PTPRD: variants seen among roughly 807,000 people sequenced by gnomAD.
PTPRD encodes the protein protein tyrosine phosphatase receptor type D.
A neutral mutation model predicts 214.5 loss-of-function variants in PTPRD; 34 were observed. The ratio of observed to expected loss-of-function variants is 0.16; its 90% CI spans 0.12 to 0.21. The LOEUF (loss-of-function observed/expected upper bound fraction) is 0.21, where lower values mean the gene tolerates loss of function less well. Among genes scored for constraint, PTPRD ranks in the 10% least tolerant of loss-of-function variants. The pLI, the probability that PTPRD is intolerant of heterozygous loss-of-function variation, is 1.00. For synonymous variants in PTPRD, 1,128 were observed against 845.7 expected, an observed-to-expected ratio of 1.33 and a Z score of -5.79; for missense variants, 2,545 against 2,398.7, an observed-to-expected ratio of 1.06 and a Z score of -1.27.
chr9:8,501,968 T>C (rs2097419607), intron 23 of PTPRD, among the ~76,000 whole-genome samples: 1 of 152,168 alleles, frequency 6.6e-6, no homozygotes, highest in South Asian at 2.1e-4. Context: ...GAACTGTTTT[T>C]TTAAAAACCC....
In PTPRD at chr9:9,492,812, T is replaced by C. The variant is rs184139232; in HGVS notation, c.-237+81920A>G. ...TCCAAAAGCACGTGCTCACTTTTTG[T>C]TTCTGCATCATATTTCGGTAATTTT... is the stretch of plus-strand genomic sequence containing the variant. On this transcript the variant is annotated intron_variant, in intron 8 of 45. Transcript: ENST00000381196. Among the ~76,000 whole-genome samples the C allele has an allele frequency of 7.9e-5, 12 of 151,662 alleles. No individual in the cohort carries two copies. In the East Asian group the frequency reaches 2.3e-3, roughly 29 times the overall value.
rs529459852 is a variant in PTPRD at position 8,353,429 on chromosome 9, A to AATGT, written c.4662-11452_4662-11451insACAT. On this transcript the variant is annotated intron_variant, in intron 39 of 45. Coordinates refer to ENST00000381196, the MANE Select transcript of PTPRD (RefSeq NM_002839.4). The stretch of plus-strand genomic sequence containing the variant: ...TTATTTATTTATTTATGAATGTATG[A>AATGT]ATGAATGAATGAATGAATGAGATGG... Among the ~76,000 whole-genome samples, 125 of 46,574 alleles carry AATGT rather than the reference A, an allele frequency of 2.7e-3. 1 individual carries two copies. The highest frequency in any genetic ancestry group is 4.4e-3 in the African/African-American group (115 of 26,436). The allele number at this position is 46,574 out of a possible 152,430, so 30.6% of individuals were successfully genotyped here.
At chr9:8,333,639 GCA>G (rs1440121984) in intron 43 of PTPRD, among the ~76,000 whole-genome samples, 2 of 150,260 alleles carry the variant, frequency 1.3e-5, no homozygotes, top group African/African-American at 2.5e-5. Context: ...TGAAGAAGCT[GCA>G]TAATTAATGG....
At chr9:10,612,093 C>A (rs1022755447) in intron 2 of PTPRD, among the ~76,000 whole-genome samples, 2 of 151,190 alleles carry the variant, frequency 1.3e-5, no homozygotes, top group African/African-American at 4.9e-5. Context: ...TTAGAACCAA[C>A]CAATGTTTAA....
At chr9:9,423,442 T>C (rs1323910538) in intron 8 of PTPRD, among the ~76,000 whole-genome samples, 2 of 152,160 alleles carry the variant, frequency 1.3e-5, no homozygotes, top group African/African-American at 2.4e-5. Flanking sequence ...GCCTCAAGGA[T>C]TTGAGGAATA....
intron 9 of PTPRD, among the ~76,000 whole-genome samples, chr9:9,256,597 C>G (rs953548975): frequency 6.6e-6 from 1 of 151,928 alleles, no homozygotes; most frequent in African/African-American, 2.4e-5. Context: ...TTTGGCAGAT[C>G]TGGGACTAGA....
At chr9:9,397,657 C>T (rs578025987) in intron 8 of PTPRD, among the ~76,000 whole-genome samples, 175 bp from the exon 9 acceptor site, 1 of 152,066 alleles carries the variant, frequency 6.6e-6, no homozygotes, top group Admixed American at 6.6e-5. Flanking sequence ...TGTTTCATCA[C>T]CACCATTTAA....
chr9:8,732,161 T>C (rs567952587), intron 12 of PTPRD, among the ~76,000 whole-genome samples: 1 of 152,220 alleles, frequency 6.6e-6, no homozygotes, highest in Non-Finnish European at 1.5e-5. Context: ...TCAAACACAA[T>C]TTTAAAAGTC....
chr9:8,784,369 C>T (rs1286302374), intron 11 of PTPRD, among the ~76,000 whole-genome samples: 1 of 152,150 alleles, frequency 6.6e-6, no homozygotes, highest in Non-Finnish European at 1.5e-5. Flanking sequence ...GTGTTCTTGT[C>T]TGTCAATCTT....
chr9:9,918,872 C>A (rs1202186418), intron 5 of PTPRD, among the ~76,000 whole-genome samples: 1 of 152,108 alleles, frequency 6.6e-6, no homozygotes, highest in Non-Finnish European at 1.5e-5. Context: ...AGACCCCTGC[C>A]TCCAACCCTA....
chr9:10,132,364 A>G (rs2154259210), intron 3 of PTPRD, among the ~76,000 whole-genome samples: 1 of 152,280 alleles, frequency 6.6e-6, no homozygotes, highest in East Asian at 1.9e-4. Context: ...AAAAAACTTC[A>G]ACTATATATT....
chr9:10,253,041 C>T (rs1318865150), intron 3 of PTPRD, among the ~76,000 whole-genome samples: 1 of 152,122 alleles, frequency 6.6e-6, no homozygotes, highest in African/African-American at 2.4e-5. Flanking sequence ...GCCTTGGCCT[C>T]CCAAATGCTG....
At chr9:9,025,838 G>A (rs1033520402) in intron 10 of PTPRD, among the ~76,000 whole-genome samples, 2 of 151,956 alleles carry the variant, frequency 1.3e-5, no homozygotes, top group African/African-American at 2.4e-5. Flanking sequence ...AGAAAAAAAT[G>A]TAATGGATAT....
chr9:9,015,082 G>C (rs1289673230), intron 11 of PTPRD, among the ~76,000 whole-genome samples: 1 of 151,968 alleles, frequency 6.6e-6, no homozygotes, highest in African/African-American at 2.4e-5. Flanking sequence ...AATAAGCCAG[G>C]TTTATTTTAA....
intron 11 of PTPRD, among the ~76,000 whole-genome samples, chr9:8,773,154 T>C (rs1232591138): frequency 6.6e-6 from 1 of 152,194 alleles, no homozygotes; most frequent in Non-Finnish European, 1.5e-5. Flanking sequence ...TTTAGTCTTT[T>C]TGAGTGGTTC....
chr9:9,946,047 T>TACTTTCCCAGTTGGGAAAGTCACCCTTC (rs2092495677), intron 4 of PTPRD, among the ~76,000 whole-genome samples: 1 of 43,874 alleles, frequency 2.3e-5, no homozygotes, highest in Non-Finnish European at 3.4e-5. Context: ...GCCTTTTGGA[T>TACTTTCCCAGTTGGGAAAGTCACCCTTC]CCTTTCCCAG....
chr9:8,890,081 T>C (rs1049028810), intron 11 of PTPRD, among the ~76,000 whole-genome samples: 1 of 152,222 alleles, frequency 6.6e-6, no homozygotes, highest in African/African-American at 2.4e-5. Context: ...CCTCCAGTAG[T>C]GTAAAAGTGT....
chr9:9,787,031 G>C (rs1391108324), intron 5 of PTPRD, among the ~76,000 whole-genome samples: 3 of 151,876 alleles, frequency 2.0e-5, no homozygotes, highest in Non-Finnish European at 2.9e-5. Flanking sequence ...CAACTACTTG[G>C]AAGTCTGAAG....
intron 11 of PTPRD, among the ~76,000 whole-genome samples, chr9:8,999,185 C>G (rs1470014875): frequency 2.6e-5 from 4 of 152,058 alleles, no homozygotes; most frequent in African/African-American, 9.7e-5. Flanking sequence ...GAAAGATATT[C>G]TACCATGGGT....
Sources: allele counts gnomAD v4.1 joint callset (sites outside exome capture counted in the v4.1 genomes callset), GRCh38; gene constraint gnomAD v4.1.1; transcripts MANE v1.5; gene names NCBI Gene and HGNC (gene_info 2026-07-23, HGNC 2026-07-21).